The following PAPPA variants were observed in gnomAD, a reference collection of about 807,000 sequenced individuals.
PAPPA encodes the protein pappalysin-1.
In PAPPA, 60 loss-of-function variants were observed where a neutral mutation model predicts 164.0. That is an observed-to-expected ratio of 0.37 (90% CI 0.30 to 0.45). PAPPA has a LOEUF of 0.45. Among genes scored for constraint, PAPPA ranks in the 20% least tolerant of loss-of-function variants. The probability of loss-of-function intolerance (pLI) is 1.00; values close to 1 mark genes in which losing one functional copy is unlikely to be tolerated. For missense variants in PAPPA, 1,782 were observed against 2,087.3 expected (o/e 0.85, Z 2.85); for synonymous variants, 875 against 814.1 (o/e 1.07, Z -1.27).
intron 6 of PAPPA, among the ~76,000 whole-genome samples, chr9:116,231,819 T>G (rs1844601356): frequency 7.4e-6 from 1 of 134,518 alleles, no homozygotes; most frequent in African/African-American, 2.8e-5. Context: ...TGGAGTGCAG[T>G]GGCGTAATCT....
At chr9:116,217,773 C>T (rs564770707) in intron 4 of PAPPA, among the ~76,000 whole-genome samples, 4 of 152,088 alleles carry the variant, frequency 2.6e-5, no homozygotes, top group East Asian at 3.9e-4. Context: ...GATGAGCAAT[C>T]GCGTTATCAT....
At chr9:116,326,827 C>A (rs773373340) in intron 10 of PAPPA, among the ~76,000 whole-genome samples, 1 of 152,146 alleles carries the variant, frequency 6.6e-6, no homozygotes, top group Non-Finnish European at 1.5e-5. Context: ...ATTAAGTGAG[C>A]TAATGCAGTA....
Position 116,334,912 on chromosome 9 carries a change from A to G in PAPPA, c.3449A>G (p.His1150Arg), listed in dbSNP as rs1846040971. 4 of 1,613,368 alleles carry G rather than the reference A, an allele frequency of 2.5e-6. No homozygotes were observed. The highest frequency in any genetic ancestry group is 2.2e-5 in the East Asian group (1 of 44,794). Reference protein sequence around the residue: ...RNNPLIIPVVHDLSQPFYHSQ... With the variant: ...RNNPLIIPVVRDLSQPFYHSQ... ...AATCCCCTGATTATCCCTGTGGTCC[A>G]TGACCTCAGCCAGCCCTTCTACCAC... is the stretch of plus-strand genomic sequence containing the variant. The change falls in exon 13 of 22, where the codon CAT (histidine) becomes CGT (arginine). Residue 1150 changes from histidine to arginine, a missense_variant. Transcript: ENST00000328252.
At chr9:116,156,446 G>T (rs1277109329) in intron 1 of PAPPA, among the ~76,000 whole-genome samples, 1 of 151,132 alleles carries the variant, frequency 6.6e-6, no homozygotes. Context: ...ATTCTCTTGA[G>T]CACTCATTCA....
At chr9:116,200,663 A>C (rs1405548975) in intron 2 of PAPPA, among the ~76,000 whole-genome samples, 1 of 152,192 alleles carries the variant, frequency 6.6e-6, no homozygotes, top group Admixed American at 6.5e-5. Context: ...CACTTTCTTC[A>C]TAAAACTTCT....
Position 116,227,611 on chromosome 9 carries a change from A to G in PAPPA, c.2233+59A>G, listed in dbSNP as rs78421042. 3 of 1,582,598 alleles carry G rather than the reference A, an allele frequency of 1.9e-6. No individual in the cohort carries two copies. In the East Asian group the frequency reaches 6.8e-5, roughly 36 times the overall value. On this transcript the variant is annotated intron_variant, in intron 6 of 21. Transcript: ENST00000328252. ...GGAGTGTGCAAAGAACAGCTCTTTC[A>G]ATGTATATGGGGTTTTATTATTTTT...
At chr9:116,233,753 A>G (rs1428715955) in intron 6 of PAPPA, among the ~76,000 whole-genome samples, 1 of 152,102 alleles carries the variant, frequency 6.6e-6, no homozygotes, top group Non-Finnish European at 1.5e-5. Flanking sequence ...ACTTTCTAGT[A>G]TTGACATTAT....
At chr9:116,380,293 AATGG>A (rs34595210) in intron 20 of PAPPA, among the ~76,000 whole-genome samples, 7 of 151,492 alleles carry the variant, frequency 4.6e-5, no homozygotes, top group East Asian at 1.9e-4. Context: ...AGGATAAATG[AATGG>A]ATGGATGGAT....
intron 4 of PAPPA, among the ~76,000 whole-genome samples, chr9:116,213,747 C>T: frequency 6.6e-6 from 1 of 151,994 alleles, no homozygotes; most frequent in East Asian, 1.9e-4. Context: ...GCTCAGTGAC[C>T]CATTAACAGC....
At position 116,269,349 on chromosome 9, in the gene PAPPA, G is replaced by A. The variant is rs150244852; in HGVS notation, c.2862-1976G>A. Among the ~76,000 whole-genome samples the A allele has an allele frequency of 1.2e-3, 187 of 152,286 alleles. 2 individuals carry two copies. The East Asian group carries it at 0.034, about 28-fold the overall frequency. ...ATTCCCCATTGCATTGTTGTGTGATGTGACAACTCTGCAAAACTAACAAGT... is the reference window on the plus strand; with the variant it reads ...ATTCCCCATTGCATTGTTGTGTGATATGACAACTCTGCAAAACTAACAAGT... On this transcript the variant is annotated intron_variant, in intron 8 of 21. Coordinates refer to ENST00000328252, the MANE Select transcript of PAPPA (RefSeq NM_002581.5).
rs1456073016 is a variant in PAPPA, at chr9:116,400,342, T to A, written c.*3726T>A. The A allele has an allele frequency of 6.6e-6, 1 of 152,200 alleles. No homozygotes were observed. The highest frequency in any genetic ancestry group is 2.4e-5 in the African/African-American group (1 of 41,446). 9.4% of individuals were successfully genotyped at this position (152,200 alleles called of 1,614,324 possible). A position where few individuals can be genotyped will look rare whatever the true frequency, so the allele number is the denominator to read the frequency against. On this transcript the variant is annotated 3_prime_UTR_variant, in exon 22 of 22. Coordinates refer to ENST00000328252, the MANE Select transcript of PAPPA (RefSeq NM_002581.5). ...GATTTGATAACACTGTCTGTTATTT[T>A]CTGTACATTGTGGTAGGTCCAGGAA... is the stretch of plus-strand genomic sequence containing the variant.
chr9:116,242,204 G>C (rs181797762), intron 7 of PAPPA, among the ~76,000 whole-genome samples: 1 of 152,132 alleles, frequency 6.6e-6, no homozygotes, highest in East Asian at 1.9e-4. Context: ...ACATGGGAAG[G>C]GTGTCTAACT....
intron 13 of PAPPA, 115 bp downstream of exon 13, chr9:116,335,189 T>A (rs973521347): frequency 2.4e-6 from 2 of 823,628 alleles, no homozygotes; most frequent in Admixed American, 4.4e-5. Context: ...ATTTCTCCCT[T>A]CTCCATCCAT....
At chr9:116,361,730 C>T (rs772957345) in intron 17 of PAPPA, among the ~76,000 whole-genome samples, 155 of 152,328 alleles carry the variant, frequency 1.0e-3, no homozygotes, top group Non-Finnish European at 1.2e-3. Context: ...GCTGGTGGAT[C>T]ACATGACTGC....
At chr9:116,263,452 C>T (rs1168678967) in intron 7 of PAPPA, among the ~76,000 whole-genome samples, 1 of 152,088 alleles carries the variant, frequency 6.6e-6, no homozygotes, top group Non-Finnish European at 1.5e-5. Flanking sequence ...GTTTGCCTCA[C>T]CAAGGTTACA....
At chr9:116,330,894 C>T (rs1186578372) in intron 10 of PAPPA, among the ~76,000 whole-genome samples, 2 of 152,104 alleles carry the variant, frequency 1.3e-5, no homozygotes, top group African/African-American at 4.8e-5. Flanking sequence ...TTCTGCTTTC[C>T]TCTGAGCCTT....
chr9:116,272,846 C>T (rs73654690), intron 9 of PAPPA, among the ~76,000 whole-genome samples: 6,525 of 152,206 alleles, frequency 0.043, 358 homozygotes, highest in East Asian at 0.19. Flanking sequence ...TGAGAACTTA[C>T]ATAAAGCTGG....
chr9:116,376,148 G>C (rs1214045789), intron 19 of PAPPA, among the ~76,000 whole-genome samples: 2 of 151,442 alleles, frequency 1.3e-5, no homozygotes, highest in Non-Finnish European at 2.9e-5. Flanking sequence ...AGCCTCCCAA[G>C]TAGCTGGGAC....
intron 1 of PAPPA, among the ~76,000 whole-genome samples, chr9:116,166,826 T>G (rs1244683609): frequency 6.6e-6 from 1 of 152,134 alleles, no homozygotes; most frequent in African/African-American, 2.4e-5. Context: ...CCTGACACAT[T>G]GCTTGGAACA....
Sources: allele counts gnomAD v4.1 joint callset (sites outside exome capture counted in the v4.1 genomes callset), GRCh38; gene constraint gnomAD v4.1.1; transcripts MANE v1.5; gene names NCBI Gene and HGNC (gene_info 2026-07-23, HGNC 2026-07-21).